AQP7B: variants seen among roughly 807,000 people sequenced by gnomAD.
The protein encoded by AQP7B is aquaporin 7B.
At chr2:94,604,266 G>T in the AQP7B span, 1 of 1,579,082 alleles carries the variant, frequency 6.3e-7, no homozygotes, top group Non-Finnish European at 8.6e-7. Context: ...CCCCTCAGCA[G>T]GCCTCTGCCT....
At chr2:94,603,052 C>T in the AQP7B span, 1 of 1,597,542 alleles carries the variant, frequency 6.3e-7, no homozygotes, top group South Asian at 1.1e-5. Flanking sequence ...CACATGAATG[C>T]AGCTGTGACC....
At chr2:94,595,125 G>T in the AQP7B span, among the ~76,000 whole-genome samples, 1 of 152,090 alleles carries the variant, frequency 6.6e-6, no homozygotes, top group African/African-American at 2.4e-5. Flanking sequence ...TGGGGAGAAG[G>T]GAAACCCAGA....
the AQP7B span, chr2:94,603,997 G>A: frequency 9.1e-5 from 88 of 969,898 alleles, 2 homozygotes; most frequent in South Asian, 1.3e-3. Flanking sequence ...GAGGGGTGGG[G>A]GGTGATGTGA....
At chr2:94,591,372 G>C in the AQP7B span, among the ~76,000 whole-genome samples, 962 of 152,214 alleles carry the variant, frequency 6.3e-3, 11 homozygotes, top group African/African-American at 0.022. Context: ...GAGCTGCCCC[G>C]CTCCCTTCCC....
chr2:94,602,579 G>T, the AQP7B span: 42 of 1,599,654 alleles, frequency 2.6e-5, no homozygotes, highest in South Asian at 3.2e-4. Context: ...TGGCTTCGGG[G>T]TCACCATGGG....
the AQP7B span, chr2:94,603,093 T>C: frequency 8.2e-6 from 13 of 1,586,436 alleles, no homozygotes; most frequent in Non-Finnish European, 1.0e-5. Flanking sequence ...CCGCGTGCCC[T>C]GGAGGAAGTT....
At chr2:94,588,384 T>A in the AQP7B span, 1 of 614,310 alleles carries the variant, frequency 1.6e-6, no homozygotes, top group Admixed American at 2.7e-5. Flanking sequence ...GCTAAGGGAG[T>A]GGCACTAGCA....
At chr2:94,591,106 TG>T in the AQP7B span, among the ~76,000 whole-genome samples, 1 of 152,058 alleles carries the variant, frequency 6.6e-6, no homozygotes, top group Non-Finnish European at 1.5e-5. Context: ...CTTCTTAGTC[TG>T]TACCCTCTCC....
chr2:94,604,261 C>G, the AQP7B span: 2 of 1,574,000 alleles, frequency 1.3e-6, no homozygotes, highest in Non-Finnish European at 1.7e-6. Flanking sequence ...TCAGCCCCCT[C>G]AGCAGGCCTC....
chr2:94,603,763 G>C, the AQP7B span: 1 of 1,529,088 alleles, frequency 6.5e-7, no homozygotes, highest in Non-Finnish European at 8.9e-7. Flanking sequence ...CACGGACCAG[G>C]AGAACAACCC....
At chr2:94,600,689 C>G in the AQP7B span, among the ~76,000 whole-genome samples, 14 of 152,262 alleles carry the variant, frequency 9.2e-5, no homozygotes, top group African/African-American at 2.9e-4. Context: ...ACCAGTCTGG[C>G]CAACATCGTG....
At chr2:94,592,065 G>A in the AQP7B span, among the ~76,000 whole-genome samples, 10 of 152,268 alleles carry the variant, frequency 6.6e-5, no homozygotes, top group Admixed American at 5.9e-4. Flanking sequence ...GTTGCTTACT[G>A]TGTCTTGCCT....
the AQP7B span, among the ~76,000 whole-genome samples, chr2:94,601,825 A>C: frequency 6.6e-6 from 1 of 152,118 alleles, no homozygotes; most frequent in Non-Finnish European, 1.5e-5. Context: ...CCAGGACTGA[A>C]GGGAACAGTG....
chr2:94,600,067 C>A, the AQP7B span, among the ~76,000 whole-genome samples: 1 of 151,654 alleles, frequency 6.6e-6, no homozygotes, highest in African/African-American at 2.4e-5. Context: ...TTAGTAGAGA[C>A]GGGGTTTTGT....
chr2:94,589,942 C>T, the AQP7B span, among the ~76,000 whole-genome samples: 1 of 152,256 alleles, frequency 6.6e-6, no homozygotes, highest in East Asian at 1.9e-4. Context: ...ACAGCTTCCA[C>T]CATTCTTTCT....
chr2:94,596,178 G>C, the AQP7B span, among the ~76,000 whole-genome samples: 1 of 152,342 alleles, frequency 6.6e-6, no homozygotes, highest in Admixed American at 6.5e-5. Context: ...TTAGGGTTTG[G>C]CAACGTGGAG....
chr2:94,604,035 C>A, the AQP7B span: 225 of 765,872 alleles, frequency 2.9e-4, 1 homozygote, highest in South Asian at 3.6e-3. Flanking sequence ...TCCTGCAGAG[C>A]CCCCAGGTGG....
the AQP7B span, among the ~76,000 whole-genome samples, chr2:94,592,982 CCTGA>C: frequency 2.6e-5 from 4 of 151,810 alleles, no homozygotes; most frequent in Non-Finnish European, 5.9e-5. Context: ...CACCACAACA[CCTGA>C]CTAATTTTTG....
the AQP7B span, among the ~76,000 whole-genome samples, chr2:94,601,303 G>A: frequency 1.3e-5 from 2 of 152,192 alleles, no homozygotes; most frequent in African/African-American, 2.4e-5. Flanking sequence ...CGGCCAACGG[G>A]GATGGGGAAC....
Sources: gnomAD v4.1 joint callset for allele counts (sites outside exome capture counted in the v4.1 genomes callset) on GRCh38, gnomAD v4.1.1 for gene constraint, MANE v1.5 for transcripts, NCBI Gene and HGNC (gene_info 2026-07-23, HGNC 2026-07-21) for gene names.